GAS2: variants seen among roughly 807,000 people sequenced by gnomAD.
The protein encoded by GAS2 is growth arrest-specific protein 2.
In GAS2, 20 loss-of-function variants were observed where a neutral mutation model predicts 37.5. That is an observed-to-expected ratio of 0.53 (90% CI 0.37 to 0.77). The LOEUF (loss-of-function observed/expected upper bound fraction) is 0.77, where lower values mean the gene tolerates loss of function less well. GAS2 is among the 30% of genes least tolerant of loss of function. The pLI is 0.00. For synonymous variants in GAS2, 144 were observed against 132.2 expected (o/e 1.09, Z -0.61); for missense variants, 336 against 373.4 (o/e 0.90, Z 0.82).
intron 2 of GAS2, among the ~76,000 whole-genome samples, chr11:22,677,519 A>G (rs79925062): frequency 0.02 from 3,102 of 152,284 alleles, 116 homozygotes; most frequent in African/African-American, 0.07. Flanking sequence ...GAGTATGATT[A>G]ATTAGAGTAT....
intron 3 of GAS2, 144 bp downstream of exon 3, chr11:22,685,933 T>A: frequency 1.6e-6 from 1 of 613,480 alleles, no homozygotes; most frequent in Non-Finnish European, 2.5e-6. Flanking sequence ...TTCTTTTTAA[T>A]TAGGTAACAT....
intron 1 of GAS2, among the ~76,000 whole-genome samples, chr11:22,634,724 G>A (rs947385881): frequency 6.6e-6 from 1 of 152,154 alleles, no homozygotes; most frequent in African/African-American, 2.4e-5. Flanking sequence ...AAGGGATCCA[G>A]TGATAGGACC....
At chr11:22,809,867 G>A (rs1857063302) in intron 7 of GAS2, among the ~76,000 whole-genome samples, 2 of 152,074 alleles carry the variant, frequency 1.3e-5, no homozygotes, top group African/African-American at 4.8e-5. Flanking sequence ...GGAGGGCCAG[G>A]AAAGGCAAAG....
intron 7 of GAS2, among the ~76,000 whole-genome samples, chr11:22,795,685 G>A (rs1051387505): frequency 1.2e-4 from 18 of 152,068 alleles, no homozygotes; most frequent in Admixed American, 1.1e-3. Context: ...AGATCTTCTA[G>A]GAAACTTAGG....
chr11:22,780,036 C>T (rs1017043417), intron 7 of GAS2, among the ~76,000 whole-genome samples: 1 of 152,150 alleles, frequency 6.6e-6, no homozygotes, highest in Non-Finnish European at 1.5e-5. Flanking sequence ...GCTCTCTTCC[C>T]AGTGTGGTGT....
At chr11:22,682,550 T>C (rs2928338) in intron 2 of GAS2, among the ~76,000 whole-genome samples, 55,943 of 151,986 alleles carry the variant, frequency 0.37, 11,298 homozygotes, top group African/African-American at 0.55. Flanking sequence ...TTATTTCTAA[T>C]ATTTACTTTC....
intron 1 of GAS2, among the ~76,000 whole-genome samples, chr11:22,651,820 C>T (rs1848780094): frequency 6.6e-6 from 1 of 152,176 alleles, no homozygotes; most frequent in African/African-American, 2.4e-5. Flanking sequence ...ATACATTCTT[C>T]TAAACTTTTT....
intron 7 of GAS2, among the ~76,000 whole-genome samples, chr11:22,770,126 A>G (rs1854901593): frequency 6.6e-6 from 1 of 152,168 alleles, no homozygotes; most frequent in East Asian, 1.9e-4. Context: ...GCAGGGGAAC[A>G]ACACACACTG....
At chr11:22,740,501 CTAT>C (rs1853016701) in intron 5 of GAS2, among the ~76,000 whole-genome samples, 1 of 152,128 alleles carries the variant, frequency 6.6e-6, no homozygotes, top group Non-Finnish European at 1.5e-5. Context: ...CATGGTGCTA[CTAT>C]TATTCTAGTG....
At chr11:22,652,993 G>GTCTTCCTTTCTTTCTTTCTTTCTT in intron 1 of GAS2, among the ~76,000 whole-genome samples, 2 of 97,036 alleles carry the variant, frequency 2.1e-5, no homozygotes, top group South Asian at 7.1e-4. Context: ...TTCTTTCTTT[G>GTCTTCCTTTCTTTCTTTCTTTCTT]TCTTTCTTTC....
At chr11:22,796,950 T>C (rs528626988) in intron 7 of GAS2, among the ~76,000 whole-genome samples, 2 of 152,244 alleles carry the variant, frequency 1.3e-5, no homozygotes, top group South Asian at 4.1e-4. Flanking sequence ...TAAATTCTAA[T>C]TTCACTCTGG....
chr11:22,713,981 G>T (rs2134097445), intron 3 of GAS2, among the ~76,000 whole-genome samples: 1 of 152,100 alleles, frequency 6.6e-6, no homozygotes, highest in East Asian at 1.9e-4. Flanking sequence ...AAAAAACAGG[G>T]TATTCAGGTA....
chr11:22,796,186 G>A (rs1856421974), intron 7 of GAS2, among the ~76,000 whole-genome samples: 1 of 152,076 alleles, frequency 6.6e-6, no homozygotes, highest in Non-Finnish European at 1.5e-5. Flanking sequence ...TCTGGGGTGG[G>A]GACATAGTAA....
At chr11:22,713,003 C>T (rs1425416507) in intron 3 of GAS2, among the ~76,000 whole-genome samples, 8 of 149,348 alleles carry the variant, frequency 5.4e-5, no homozygotes, top group African/African-American at 1.7e-4. Flanking sequence ...GCTTGAACCC[C>T]GGAGACAGAG....
chr11:22,681,896 TC>T (rs1264055895), intron 2 of GAS2, among the ~76,000 whole-genome samples: 4 of 152,014 alleles, frequency 2.6e-5, no homozygotes, highest in African/African-American at 7.2e-5. Context: ...TAATATATCA[TC>T]CCCATATAAA....
chr11:22,641,772 T>C (rs926510636), intron 1 of GAS2, among the ~76,000 whole-genome samples: 48 of 152,172 alleles, frequency 3.2e-4, no homozygotes, highest in African/African-American at 1.2e-3. Context: ...ATAATTAATA[T>C]GTTAGTGAGT....
intron 7 of GAS2, among the ~76,000 whole-genome samples, chr11:22,808,550 A>G (rs1857000786): frequency 6.6e-6 from 1 of 152,252 alleles, no homozygotes; most frequent in African/African-American, 2.4e-5. Flanking sequence ...AATGGCCAGC[A>G]TACTCCAGGC....
intron 3 of GAS2, among the ~76,000 whole-genome samples, chr11:22,721,357 A>ATT (rs1357900480): frequency 6.6e-6 from 1 of 152,022 alleles, no homozygotes; most frequent in Admixed American, 6.6e-5. Context: ...TTAGTTATGA[A>ATT]TGCGCTTCAT....
chr11:22,660,171 G>A (rs1011648011), intron 1 of GAS2, among the ~76,000 whole-genome samples: 4 of 152,146 alleles, frequency 2.6e-5, no homozygotes, highest in African/African-American at 9.7e-5. Flanking sequence ...TGATACAAGT[G>A]CCTAACACAG....
Sources: allele counts gnomAD v4.1 joint callset (sites outside exome capture counted in the v4.1 genomes callset), GRCh38; gene constraint gnomAD v4.1.1; transcripts MANE v1.5; gene names NCBI Gene and HGNC (gene_info 2026-07-23, HGNC 2026-07-21).